DGAT2: variants seen among roughly 807,000 people sequenced by gnomAD.
DGAT2 encodes diacylglycerol O-acyltransferase 2, also known as acyl-CoA retinol O-fatty-acyltransferase.
DGAT2 carries 33 observed loss-of-function variants against 48.4 expected under a neutral mutation model. That is an observed-to-expected ratio of 0.68 (90% CI 0.52 to 0.91). The LOEUF (loss-of-function observed/expected upper bound fraction) is 0.91. Ranked by LOEUF, DGAT2 falls within the 40% of genes least tolerant of loss-of-function variation. The pLI is 0.00. For missense variants in DGAT2, 446 were observed against 493.7 expected (o/e 0.90, Z 0.92); for synonymous variants, 191 against 194.1 (o/e 0.98, Z 0.13).
chr11:75,785,820 G>C (rs184907583), intron 2 of DGAT2, among the ~76,000 whole-genome samples: 1 of 152,202 alleles, frequency 6.6e-6, no homozygotes, highest in African/African-American at 2.4e-5. Context: ...CATGTTTGCA[G>C]GGCCAAGGGA....
intron 1 of DGAT2, among the ~76,000 whole-genome samples, chr11:75,783,750 C>A (rs761532152): frequency 1.3e-5 from 2 of 152,162 alleles, no homozygotes; most frequent in Non-Finnish European, 2.9e-5. Flanking sequence ...AGTGCTGTCT[C>A]CTGCAGTCAC....
intron 1 of DGAT2, among the ~76,000 whole-genome samples, chr11:75,779,944 G>T (rs969190711): frequency 3.3e-5 from 5 of 152,212 alleles, no homozygotes; most frequent in Non-Finnish European, 7.3e-5. Context: ...TTTGCTTATG[G>T]ATTTGCTCAG....
chr11:75,793,645 C>T (rs1945015357), intron 4 of DGAT2: 1 of 152,444 alleles, frequency 6.6e-6, no homozygotes, highest in Non-Finnish European at 1.5e-5. Flanking sequence ...GGTTATCGGC[C>T]CAGTGGGAAG....
chr11:75,773,860 TC>T (rs1310359567), intron 1 of DGAT2: 2 of 152,234 alleles, frequency 1.3e-5, no homozygotes, highest in Non-Finnish European at 2.9e-5. Context: ...AGGGAAGTCT[TC>T]CTGGAAGAGG....
intron 1 of DGAT2, among the ~76,000 whole-genome samples, chr11:75,770,816 T>C (rs1407933103): frequency 1.3e-5 from 2 of 152,082 alleles, no homozygotes. Flanking sequence ...TTTTTTAAAC[T>C]GGGTGCAAGG....
intron 1 of DGAT2, among the ~76,000 whole-genome samples, chr11:75,782,954 C>A (rs1415190072): frequency 6.6e-6 from 1 of 152,194 alleles, no homozygotes; most frequent in Non-Finnish European, 1.5e-5. Context: ...CCAGAGGGCT[C>A]TCAGGCTCTA....
intron 1 of DGAT2, among the ~76,000 whole-genome samples, chr11:75,769,557 C>G (rs1337169285): frequency 6.6e-6 from 1 of 152,174 alleles, no homozygotes; most frequent in East Asian, 1.9e-4. Context: ...CGCCCAGGCT[C>G]TGGAGCCCAC....
intron 1 of DGAT2, among the ~76,000 whole-genome samples, chr11:75,769,902 C>A (rs1944740286): frequency 6.6e-6 from 1 of 152,198 alleles, no homozygotes; most frequent in Admixed American, 6.5e-5. Flanking sequence ...GCCCCTCTCC[C>A]TCTTTCTAAG....
intron 1 of DGAT2, among the ~76,000 whole-genome samples, chr11:75,781,129 G>A (rs1021110906): frequency 3.3e-5 from 5 of 152,232 alleles, no homozygotes; most frequent in East Asian, 3.8e-4. Flanking sequence ...TCCATTGTGC[G>A]GGTCTGACTT....
rs1418850491 is a variant in DGAT2 at position 75,790,227 on chromosome 11, C to G, written c.290C>G (p.Thr97Ser). Residue 97 changes from threonine (T) to serine (S), a missense_variant, in exon 3 of 8, where the codon ACT (threonine) becomes AGT (serine). Coordinates refer to ENST00000228027, the MANE Select transcript of DGAT2 (RefSeq NM_032564.5). ...CSAILMYIFC[T>S]DCWLIAVLYF... ...GCCATCCTCATGTACATATTCTGCA[C>G]TGATTGCTGGCTCATCGCTGTGCTC... The G allele has an allele frequency of 6.2e-7, 1 of 1,614,094 alleles. No homozygotes were observed. Among genetic ancestry groups the G allele is most frequent in the African/African-American group, 1.3e-5 (1 of 74,936 alleles).
In DGAT2 at chr11:75,790,613, C is replaced by T. The variant is rs1260442350; in HGVS notation, c.359-48C>T. On this transcript the variant is annotated intron_variant, in intron 3 of 7. Transcript: ENST00000228027. ...ACTGGCCCTGTCTTGTCTGCCTTGCCCAAATGTACCCCCACCCCCACCAAC... is the reference window on the plus strand; with the variant it reads ...ACTGGCCCTGTCTTGTCTGCCTTGCTCAAATGTACCCCCACCCCCACCAAC... 3 of 1,588,300 alleles carry T rather than the reference C, an allele frequency of 1.9e-6. No individual in the cohort carries two copies. In the Admixed American group the frequency reaches 5.0e-5, roughly 26 times the overall value.
chr11:75,776,986 T>C (rs1243042206), intron 1 of DGAT2: 1 of 152,464 alleles, frequency 6.6e-6, no homozygotes, highest in Non-Finnish European at 1.5e-5. Flanking sequence ...CTTAAAAAAC[T>C]GTTTGCTCTC....
chr11:75,772,222 A>C (rs2135756339), intron 1 of DGAT2, among the ~76,000 whole-genome samples: 1 of 152,234 alleles, frequency 6.6e-6, no homozygotes, highest in South Asian at 2.1e-4. Flanking sequence ...AGCCTGCCCT[A>C]GTGGATTAGA....
intron 1 of DGAT2, among the ~76,000 whole-genome samples, chr11:75,777,974 A>G (rs541683317): frequency 6.6e-6 from 1 of 152,212 alleles, no homozygotes; most frequent in Admixed American, 6.5e-5. Context: ...AACTTTAGCC[A>G]GTCTGACTTG....
chr11:75,788,034 C>G (rs1198065816), intron 2 of DGAT2, among the ~76,000 whole-genome samples: 1 of 152,190 alleles, frequency 6.6e-6, no homozygotes, highest in East Asian at 1.9e-4. Flanking sequence ...GACCAGCCCT[C>G]TAAGCAGTGG....
At chr11:75,772,505 A>G (rs148310775) in intron 1 of DGAT2, among the ~76,000 whole-genome samples, 4 of 152,204 alleles carry the variant, frequency 2.6e-5, no homozygotes, top group Admixed American at 2.0e-4. Context: ...AGGTCTTCGC[A>G]TGGCTGGCTT....
chr11:75,794,563 G>A (rs1025560955), intron 4 of DGAT2: 15 of 152,244 alleles, frequency 9.9e-5, no homozygotes, highest in African/African-American at 2.9e-4. Flanking sequence ...TTACTTCTAA[G>A]AGGGAAATTT....
intron 1 of DGAT2, among the ~76,000 whole-genome samples, chr11:75,782,699 TG>T (rs1267649291): frequency 6.6e-6 from 1 of 152,252 alleles, no homozygotes; most frequent in Non-Finnish European, 1.5e-5. Context: ...TGAACTCATC[TG>T]GCCAGGTCCC....
At chr11:75,770,208 C>T (rs542475880) in intron 1 of DGAT2, among the ~76,000 whole-genome samples, 48 of 152,306 alleles carry the variant, frequency 3.2e-4, no homozygotes, top group Admixed American at 1.2e-3. Flanking sequence ...ATCGAGGTTT[C>T]CCTTCTGTTA....
Sources: gnomAD v4.1 joint callset for allele counts (sites outside exome capture counted in the v4.1 genomes callset) on GRCh38, gnomAD v4.1.1 for gene constraint, MANE v1.5 for transcripts, NCBI Gene and HGNC (gene_info 2026-07-23, HGNC 2026-07-21) for gene names.